Variants in KCNU1 observed in about 807,000 individuals in gnomAD.
KCNU1 encodes the protein potassium channel subfamily U member 1.
KCNU1 carries 93 observed loss-of-function variants against 126.8 expected under a neutral mutation model. The observed-to-expected ratio is 0.73, with a 90% confidence interval of 0.62 to 0.87. The LOEUF (loss-of-function observed/expected upper bound fraction) is 0.87. Among genes scored for constraint, KCNU1 ranks in the 40% least tolerant of loss-of-function variants. KCNU1 has a pLI of 0.00. For synonymous variants in KCNU1, 523 were observed against 494.2 expected (o/e 1.06, Z -0.77); for missense variants, 1,330 against 1,367.1 (o/e 0.97, Z 0.43).
intron 2 of KCNU1, among the ~76,000 whole-genome samples, chr8:36,794,700 A>C (rs1472660081): frequency 6.6e-6 from 1 of 152,088 alleles, no homozygotes; most frequent in Non-Finnish European, 1.5e-5. Flanking sequence ...AGGCAGTAGA[A>C]TCACTTGAGT....
At chr8:36,870,791 C>T (rs759875246) in intron 19 of KCNU1, among the ~76,000 whole-genome samples, 56 of 152,174 alleles carry the variant, frequency 3.7e-4, no homozygotes, top group Admixed American at 1.1e-3. Flanking sequence ...TTCTTTCATT[C>T]ATATAAGCCT....
Position 36,784,572 on chromosome 8 carries a change from A to G in KCNU1, c.162A>G (p.Lys54=), listed in dbSNP as rs747891911. The change falls in exon 1 of 27, where the codon AAA becomes AAG. Residue 54 remains lysine (K), a synonymous_variant. Transcript: ENST00000399881. The part of the protein sequence containing the change: ...IFRLIWRSVK[K]WQIIKGTGII... Reference sequence around the variant, plus strand: ...GGCTGATCTGGAGATCTGTTAAAAAATGGCAAATCATCAAGGGAACAGGAA... The same window carrying G: ...GGCTGATCTGGAGATCTGTTAAAAAGTGGCAAATCATCAAGGGAACAGGAA... 7 of 1,613,524 alleles carry G rather than the reference A, an allele frequency of 4.3e-6. No individual in the cohort carries two copies. In the African/African-American group the frequency reaches 5.3e-5, roughly 12 times the overall value.
intron 2 of KCNU1, among the ~76,000 whole-genome samples, chr8:36,800,974 G>C (rs986166083): frequency 6.6e-6 from 1 of 152,200 alleles, no homozygotes; most frequent in African/African-American, 2.4e-5. Context: ...AGTATGTTGA[G>C]ATGGATTTTT....
At chr8:36,877,170 G>T (rs1806305232) in intron 19 of KCNU1, among the ~76,000 whole-genome samples, 1 of 152,246 alleles carries the variant, frequency 6.6e-6, no homozygotes, top group South Asian at 2.1e-4. Flanking sequence ...CTCACATCTG[G>T]GCTAGCAGTT....
intron 23 of KCNU1, among the ~76,000 whole-genome samples, chr8:36,920,954 A>T (rs1387220822): frequency 6.6e-6 from 1 of 152,214 alleles, no homozygotes; most frequent in Non-Finnish European, 1.5e-5. Flanking sequence ...ATCCAGTCAT[A>T]GCAAGCAATG....
At position 36,821,761 on chromosome 8, in the gene KCNU1, C is replaced by T. The variant is rs376393340; in HGVS notation, c.1106+4001C>T. Among the ~76,000 whole-genome samples the T allele has an allele frequency of 1.8e-4, 27 of 152,122 alleles. No homozygotes were observed. In the South Asian group the frequency reaches 5.0e-3, roughly 28 times the overall value. ...TTTATGATGGTGCAAAAGTCATATGCCTTCAGTAGAAACCATATTTTGTAT... is the reference window on the plus strand; with the variant it reads ...TTTATGATGGTGCAAAAGTCATATGTCTTCAGTAGAAACCATATTTTGTAT... On this transcript the variant is annotated intron_variant, in intron 10 of 26. Transcript: ENST00000399881.
At chr8:36,904,550 T>C (rs1008567259) in intron 19 of KCNU1, among the ~76,000 whole-genome samples, 1 of 152,328 alleles carries the variant, frequency 6.6e-6, no homozygotes, top group Middle Eastern at 3.4e-3. Context: ...TTAAAGCTTC[T>C]GGCAGAGACA....
chr8:36,888,804 A>G (rs1303576887), intron 19 of KCNU1: 1 of 523,170 alleles, frequency 1.9e-6, no homozygotes, highest in East Asian at 5.5e-5. Context: ...CAGAGACCAG[A>G]AAGAGTGAAA....
intron 19 of KCNU1, among the ~76,000 whole-genome samples, chr8:36,871,885 G>T (rs1806115627): frequency 6.6e-6 from 1 of 152,048 alleles, no homozygotes; most frequent in South Asian, 2.1e-4. Context: ...TCTCCTAAAA[G>T]GCAGGAATGA....
chr8:36,835,040 A>G (rs1186316605), intron 12 of KCNU1, among the ~76,000 whole-genome samples, 172 bp downstream of exon 12: 1 of 152,182 alleles, frequency 6.6e-6, no homozygotes, highest in Non-Finnish European at 1.5e-5. Flanking sequence ...GTGCAGATGG[A>G]TGCAAAAGGA....
At chr8:36,896,699 TCAGAGAACATG>T (rs1453768463) in intron 19 of KCNU1, among the ~76,000 whole-genome samples, 4 of 152,070 alleles carry the variant, frequency 2.6e-5, no homozygotes, top group Non-Finnish European at 5.9e-5. Flanking sequence ...GAGGAAGATT[TCAGAGAACATG>T]CAGTTTATTT....
chr8:36,913,249 G>T (rs552253431), intron 22 of KCNU1, among the ~76,000 whole-genome samples: 104 of 152,216 alleles, frequency 6.8e-4, no homozygotes, highest in African/African-American at 2.5e-3. Context: ...TCTGTTACAG[G>T]CAAGAAGTTT....
rs2117609660 is a variant in KCNU1 at position 36,929,414 on chromosome 8, A to AC, written c.2737-1537_2737-1536insC. On this transcript the variant is annotated intron_variant, in intron 24 of 26. Coordinates refer to ENST00000399881, the MANE Select transcript of KCNU1 (RefSeq NM_001031836.3). ...AAAAAAAAAAAAAAAAAAAGAACAA[A>AC]AAACAAACAAACAAAAAAAAACCAT... 1.5e-5 allele frequency among the ~76,000 whole-genome samples: 2 copies of AC among 136,566 alleles called. 1 individual carries two copies. Among genetic ancestry groups the AC allele is most frequent in the South Asian group, 4.7e-4 (2 of 4,284 alleles). 89.6% of individuals were successfully genotyped at this position (136,566 alleles called of 152,430 possible).
At position 36,817,680 on chromosome 8, in the gene KCNU1, G is replaced by A; in HGVS notation, c.1026G>A (p.Val342=). 6.2e-7 allele frequency: 1 copy of A among 1,611,926 alleles called. No individual in the cohort carries two copies. Among genetic ancestry groups the A allele is most frequent in the South Asian group, 1.1e-5 (1 of 91,020 alleles). ...TTGTGGTCTGTGGAAACATCACTGT[G>A]GACAGTGTGACCGCTTTCCTGAGGA... ...KFIVVCGNIT[V]DSVTAFLRNF... Residue 342 remains valine, a synonymous_variant, in exon 10 of 27, where the codon GTG becomes GTA. Transcript: ENST00000399881.
intron 2 of KCNU1, among the ~76,000 whole-genome samples, chr8:36,801,014 G>A (rs1332885832): frequency 2.0e-5 from 3 of 152,152 alleles, no homozygotes; most frequent in Non-Finnish European, 4.4e-5. Context: ...CCTTAAAGCA[G>A]GAGCTTAAGG....
At chr8:36,859,932 A>G (rs1805667926) in intron 18 of KCNU1, among the ~76,000 whole-genome samples, 1 of 152,338 alleles carries the variant, frequency 6.6e-6, no homozygotes, top group East Asian at 1.9e-4. Flanking sequence ...GCCAATAGTA[A>G]GTTCTGCATA....
At chr8:36,804,811 A>G (rs1327201235) in intron 3 of KCNU1, among the ~76,000 whole-genome samples, 2 of 152,190 alleles carry the variant, frequency 1.3e-5, no homozygotes, top group Non-Finnish European at 2.9e-5. Context: ...AGATCAATCC[A>G]TTTGATCTAG....
intron 18 of KCNU1, among the ~76,000 whole-genome samples, chr8:36,861,522 C>T (rs2117327442): frequency 6.6e-6 from 1 of 152,310 alleles, no homozygotes; most frequent in African/African-American, 2.4e-5. Context: ...TGTTACCCCA[C>T]TTCTGCAAGA....
Position 36,935,828 on chromosome 8 carries a change from A to G in KCNU1, c.3358A>G (p.Ile1120Val). ...SRTNSIISSQIPLGDNAKENE... is the reference protein window; with the variant it reads ...SRTNSIISSQVPLGDNAKENE... ...AACAAACAGTATTATATCATCTCAG[A>G]TACCTTTAGGTGACAATGCAAAAGA... Residue 1120 changes from isoleucine (I) to valine (V), a missense_variant, in exon 27 of 27, where the codon ATA (isoleucine) becomes GTA (valine). This residue lies in a region of KCNU1 where 1,054 missense variants were observed against 1,053.9 expected (regional missense o/e 1.00). Coordinates refer to ENST00000399881, the MANE Select transcript of KCNU1 (RefSeq NM_001031836.3). The G allele has an allele frequency of 1.1e-5, 17 of 1,612,908 alleles. No individual in the cohort carries two copies. Among genetic ancestry groups the G allele is most frequent in the Non-Finnish European group, 1.4e-5 (16 of 1,179,198 alleles).
Sources: gnomAD v4.1 joint callset for allele counts (sites outside exome capture counted in the v4.1 genomes callset) on GRCh38, gnomAD v4.1.1 for gene constraint, gnomAD v4.1.1 regional missense constraint, MANE v1.5 for transcripts, NCBI Gene and HGNC (gene_info 2026-07-23, HGNC 2026-07-21) for gene names.